Variants in TJP1 observed in about 807,000 individuals in gnomAD.
TJP1 encodes the protein tight junction protein 1, also known as tight junction protein ZO-1.
A neutral mutation model predicts 194.2 loss-of-function variants in TJP1; 43 were observed. The observed-to-expected ratio is 0.22, with a 90% CI of 0.17 to 0.29. The LOEUF (loss-of-function observed/expected upper bound fraction) is 0.29. TJP1 is among the 10% of genes least tolerant of loss of function. TJP1 has a pLI of 1.00. For missense variants in TJP1, 1,971 were observed against 2,185.7 expected (o/e 0.90, Z 1.96); for synonymous variants, 801 against 779.0 (o/e 1.03, Z -0.47).
At chr15:29,707,723 T>C (rs1228108652) in intron 25 of TJP1, among the ~76,000 whole-genome samples, 1 of 152,252 alleles carries the variant, frequency 6.6e-6, no homozygotes, top group Non-Finnish European at 1.5e-5. Flanking sequence ...TTGTCTCATT[T>C]GCTCAGCCAT....
At chr15:29,953,460 A>C (rs1196385202) in intron 2 of TJP1, among the ~76,000 whole-genome samples, 3 of 152,116 alleles carry the variant, frequency 2.0e-5, no homozygotes, top group Non-Finnish European at 4.4e-5. Context: ...AGAATTTTTA[A>C]AGTGTAGGGA....
intron 18 of TJP1, among the ~76,000 whole-genome samples, chr15:29,721,536 G>A (rs552129141): frequency 2.6e-5 from 4 of 152,286 alleles, no homozygotes; most frequent in Admixed American, 1.3e-4. Context: ...CCAGTCTCAG[G>A]TGGTTCTTTA....
At chr15:29,934,953 A>T (rs926381972) in intron 2 of TJP1, among the ~76,000 whole-genome samples, 1 of 152,220 alleles carries the variant, frequency 6.6e-6, no homozygotes, top group African/African-American at 2.4e-5. Flanking sequence ...AGTAAGTTAA[A>T]TGTGGAAGTC....
At chr15:29,909,089 G>A (rs150658846) in intron 2 of TJP1, among the ~76,000 whole-genome samples, 2,077 of 150,626 alleles carry the variant, frequency 0.014, 51 homozygotes, top group African/African-American at 0.048. Context: ...CCCAGGAGGC[G>A]GAGCTTGCAG....
intron 2 of TJP1, among the ~76,000 whole-genome samples, chr15:29,949,126 C>T (rs953302577): frequency 2.7e-5 from 4 of 150,164 alleles, no homozygotes; most frequent in Non-Finnish European, 5.9e-5. Flanking sequence ...CTACAACCAC[C>T]ACCTCCACCT....
intron 2 of TJP1, among the ~76,000 whole-genome samples, chr15:29,788,021 G>C (rs547758101): frequency 9.5e-4 from 144 of 152,248 alleles, no homozygotes; most frequent in African/African-American, 3.4e-3. Context: ...GTGTGAAGGG[G>C]TATTTCACTA....
intron 2 of TJP1, among the ~76,000 whole-genome samples, chr15:29,921,773 A>G (rs1047734155): frequency 1.3e-5 from 2 of 152,142 alleles, no homozygotes; most frequent in Non-Finnish European, 2.9e-5. Context: ...GAACCCACAT[A>G]TACCCATTCT....
chr15:29,943,107 A>G (rs2055139914), intron 2 of TJP1, among the ~76,000 whole-genome samples: 1 of 152,204 alleles, frequency 6.6e-6, no homozygotes, highest in African/African-American at 2.4e-5. Flanking sequence ...AACCAAGACC[A>G]CCAGCTCACC....
intron 2 of TJP1, among the ~76,000 whole-genome samples, chr15:29,901,868 T>C: frequency 6.6e-6 from 1 of 151,936 alleles, no homozygotes; most frequent in East Asian, 1.9e-4. Flanking sequence ...ACTCAATTGA[T>C]GACATGTCTG....
At chr15:29,726,334 C>T (rs763367963) in intron 18 of TJP1, 45 bp downstream of exon 18, 4 of 1,474,548 alleles carry the variant, frequency 2.7e-6, no homozygotes, top group South Asian at 2.3e-5. Flanking sequence ...TGATTAGTTA[C>T]ATAATTTACT....
intron 2 of TJP1, among the ~76,000 whole-genome samples, chr15:29,954,132 T>C (rs2055855975): frequency 6.6e-6 from 1 of 152,186 alleles, no homozygotes; most frequent in Non-Finnish European, 1.5e-5. Flanking sequence ...GCTTGGAGTG[T>C]GTACTAACTT....
intron 2 of TJP1, among the ~76,000 whole-genome samples, chr15:29,784,957 C>G (rs1303729110): frequency 6.6e-6 from 1 of 152,164 alleles, no homozygotes; most frequent in Non-Finnish European, 1.5e-5. Flanking sequence ...GTAGATTACT[C>G]TGAGGCAATA....
At chr15:29,942,700 C>A (rs1053036451) in intron 2 of TJP1, among the ~76,000 whole-genome samples, 2 of 152,204 alleles carry the variant, frequency 1.3e-5, no homozygotes, top group African/African-American at 2.4e-5. Context: ...TGCGTACCTC[C>A]GCAGAGGGCT....
At chr15:29,755,718 A>G (rs1415926774) in intron 8 of TJP1, among the ~76,000 whole-genome samples, 3 of 152,306 alleles carry the variant, frequency 2.0e-5, no homozygotes, top group South Asian at 4.1e-4. Context: ...ATTTGTGAAA[A>G]CACATTCCCC....
intron 1 of TJP1, among the ~76,000 whole-genome samples, chr15:29,818,759 G>A (rs1356734885): frequency 1.5e-5 from 2 of 137,546 alleles, no homozygotes; most frequent in Admixed American, 7.8e-5. Context: ...GTCGTGATCC[G>A]CCCCTCCTGG....
intron 1 of TJP1, among the ~76,000 whole-genome samples, chr15:29,811,630 C>G (rs898018762): frequency 3.9e-5 from 6 of 152,194 alleles, no homozygotes; most frequent in African/African-American, 1.4e-4. Flanking sequence ...ATCCATCAGA[C>G]TAAGGACTGT....
intron 2 of TJP1, among the ~76,000 whole-genome samples, chr15:29,904,126 G>A (rs2053726938): frequency 6.6e-6 from 1 of 152,166 alleles, no homozygotes; most frequent in South Asian, 2.1e-4. Flanking sequence ...GAGACCAGGG[G>A]TGGGCAAAGT....
At chr15:29,724,804 T>C (rs1411620467) in intron 18 of TJP1, among the ~76,000 whole-genome samples, 1 of 152,214 alleles carries the variant, frequency 6.6e-6, no homozygotes, top group African/African-American at 2.4e-5. Context: ...CAGTCTAGCC[T>C]GATAATAAAT....
chr15:29,747,262 G>A (rs760391040), intron 8 of TJP1, among the ~76,000 whole-genome samples: 20 of 152,136 alleles, frequency 1.3e-4, no homozygotes, highest in Non-Finnish European at 2.5e-4. Flanking sequence ...TCCAGCCTGG[G>A]CAAGACAGCG....
Sources: gnomAD v4.1 joint callset for allele counts (sites outside exome capture counted in the v4.1 genomes callset) on GRCh38, gnomAD v4.1.1 for gene constraint, MANE v1.5 for transcripts, NCBI Gene and HGNC (gene_info 2026-07-23, HGNC 2026-07-21) for gene names.